Variants in NDUFV2 observed in about 807,000 individuals in gnomAD.
NDUFV2 encodes the protein NADH:ubiquinone oxidoreductase core subunit V2.
Under a neutral mutation model 31.6 loss-of-function variants are expected in NDUFV2, and 18 were observed. The ratio of observed to expected loss-of-function variants is 0.57; its 90% CI spans 0.39 to 0.84. The LOEUF (loss-of-function observed/expected upper bound fraction) is 0.84, where lower values mean the gene tolerates loss of function less well. Among genes scored for constraint, NDUFV2 ranks in the 40% least tolerant of loss-of-function variants. The pLI, the probability that NDUFV2 is intolerant of heterozygous loss-of-function variation, is 0.00. For synonymous variants in NDUFV2, 83 were observed against 99.8 expected, an observed-to-expected ratio of 0.83 and a Z score of 1.01; for missense variants, 314 against 303.6, an observed-to-expected ratio of 1.03 and a Z score of -0.26.
At chr18:9,133,683 C>G (rs1041184458) in intron 7 of NDUFV2, among the ~76,000 whole-genome samples, 2 of 152,202 alleles carry the variant, frequency 1.3e-5, no homozygotes, top group African/African-American at 2.4e-5. Context: ...TGTATTCCCT[C>G]TATTCACTGT....
At chr18:9,107,297 T>C (rs1462673352) in intron 1 of NDUFV2, among the ~76,000 whole-genome samples, 1 of 152,208 alleles carries the variant, frequency 6.6e-6, no homozygotes, top group Non-Finnish European at 1.5e-5. Flanking sequence ...TGGGCACTGT[T>C]TAGTACCTTA....
Position 9,122,556 on chromosome 18 carries a change from T to C in NDUFV2, c.344T>C (p.Val115Ala). 6.2e-7 allele frequency: 1 copy of C among 1,614,014 alleles called. No homozygotes were observed. The highest frequency in any genetic ancestry group is 1.1e-5 in the South Asian group (1 of 91,080). Reference sequence around the variant, plus strand: ...GTACCTCCAATGAGAGTATATGAAGTAGCAACTTTTTATACAATGTATAAT... The same window carrying C: ...GTACCTCCAATGAGAGTATATGAAGCAGCAACTTTTTATACAATGTATAAT... ...LQVPPMRVYE[V>A]ATFYTMYNRK... The change falls in exon 5 of 8, where the codon GTA (valine) becomes GCA (alanine). Residue 115 changes from valine to alanine, a missense_variant. Transcript: ENST00000318388.
At chr18:9,125,736 T>A (rs1261983670) in intron 6 of NDUFV2, among the ~76,000 whole-genome samples, 1 of 152,208 alleles carries the variant, frequency 6.6e-6, no homozygotes, top group Non-Finnish European at 1.5e-5. Context: ...TTGGAGGGAC[T>A]GTACTTAAGG....
chr18:9,121,016 T>C (rs1396159771), intron 4 of NDUFV2, among the ~76,000 whole-genome samples: 1 of 152,026 alleles, frequency 6.6e-6, no homozygotes, highest in Non-Finnish European at 1.5e-5. Context: ...ACTCAGGATG[T>C]TGATGTGGGA....
At chr18:9,107,961 A>T (rs2077850047) in intron 1 of NDUFV2, among the ~76,000 whole-genome samples, 1 of 152,186 alleles carries the variant, frequency 6.6e-6, no homozygotes, top group South Asian at 2.1e-4. Context: ...ATACAAAGAC[A>T]CTGAAGTGCA....
At chr18:9,133,597 T>C (rs1011446163) in intron 7 of NDUFV2, 1 of 153,048 alleles carries the variant, frequency 6.5e-6, no homozygotes, top group African/African-American at 2.4e-5. Flanking sequence ...ACTTCGCTGC[T>C]TCTAAGGGAC....
At chr18:9,115,200 C>T (rs953602196) in intron 1 of NDUFV2, among the ~76,000 whole-genome samples, 2 of 152,048 alleles carry the variant, frequency 1.3e-5, no homozygotes, top group South Asian at 2.1e-4. Flanking sequence ...AAATAAGAGT[C>T]CCTTATTTCA....
At chr18:9,106,733 A>T (rs1306846836) in intron 1 of NDUFV2, among the ~76,000 whole-genome samples, 1 of 152,204 alleles carries the variant, frequency 6.6e-6, no homozygotes, top group Non-Finnish European at 1.5e-5. Context: ...GTTAAAAGTG[A>T]CACAGGTCTC....
intron 5 of NDUFV2, among the ~76,000 whole-genome samples, chr18:9,123,033 C>T (rs910569599): frequency 6.6e-6 from 1 of 152,108 alleles, no homozygotes; most frequent in Admixed American, 6.5e-5. Flanking sequence ...CCATTATTGT[C>T]TTTATATTCT....
intron 6 of NDUFV2, among the ~76,000 whole-genome samples, chr18:9,125,617 C>T (rs771486908): frequency 2.6e-5 from 4 of 151,792 alleles, no homozygotes; most frequent in South Asian, 2.1e-4. Context: ...ATATATATGG[C>T]GTTTTCTAGT....
rs557695781 is a variant in NDUFV2, at chr18:9,117,847, G to C, written c.64G>C (p.Val22Leu). The C allele has an allele frequency of 1.3e-6, 2 of 1,594,988 alleles. No individual in the cohort carries two copies. Among genetic ancestry groups the C allele is most frequent in the African/African-American group, 2.7e-5 (2 of 74,658 alleles). ...AGLTAHWGRH[V>L]RNLHKTVMQN... ...AAATTTTAAATTTTAGGGAAGACAT[G>C]TAAGGAATTTGCATAAGACAGTTAT... The change falls in exon 2 of 8, where the codon GTA becomes CTA. Residue 22 changes from valine to leucine, a missense_variant. Transcript: ENST00000318388.
At chr18:9,119,198 A>C (rs1231283877) in intron 2 of NDUFV2, 128 bp from the exon 3 acceptor site, 1 of 736,350 alleles carries the variant, frequency 1.4e-6, no homozygotes, top group East Asian at 2.7e-5. Context: ...ATGGAAGGAT[A>C]GGGTGGTATA....
chr18:9,108,323 A>T (rs1162452064), intron 1 of NDUFV2, among the ~76,000 whole-genome samples: 1 of 152,218 alleles, frequency 6.6e-6, no homozygotes, highest in African/African-American at 2.4e-5. Context: ...GGATGTTTGT[A>T]AAAGTCCTCC....
At chr18:9,103,108 G>T (rs2077823333) in intron 1 of NDUFV2, 2 of 411,474 alleles carry the variant, frequency 4.9e-6, no homozygotes, top group African/African-American at 2.1e-5. Context: ...ATCTAGGCCT[G>T]CTCTGGCCAG....
chr18:9,122,569 T>C lies in NDUFV2; in HGVS notation c.357T>C (p.Tyr119=), dbSNP rs1409960525. The C allele has an allele frequency of 1.2e-6, 2 of 1,613,922 alleles. No individual in the cohort carries two copies. The highest frequency in any genetic ancestry group is 2.7e-5 in the African/African-American group (2 of 74,934). Residue 119 remains tyrosine, a synonymous_variant, in exon 5 of 8, where the codon TAT becomes TAC. Transcript: ENST00000318388. ...PMRVYEVATF[Y]TMYNRKPVGK... ...GAGTATATGAAGTAGCAACTTTTTA[T>C]ACAATGTATAATCGAAAGCCAGTTG...
chr18:9,124,518 G>A lies in NDUFV2; in HGVS notation c.470-356G>A, dbSNP rs192785762. On this transcript the variant is annotated intron_variant, in intron 5 of 7. Coordinates refer to ENST00000318388, the MANE Select transcript of NDUFV2 (RefSeq NM_021074.5). ...GGCTGGAGTGCAGTGGCGCAATCTC[G>A]GCTCACTGCAAGCTCCGCCTCCTGG... 7.1e-3 allele frequency among the ~76,000 whole-genome samples: 1,041 copies of A among 146,960 alleles called. 7 individuals carry two copies. Among genetic ancestry groups the A allele is most frequent in the Middle Eastern group, 0.045 (13 of 288 alleles).
chr18:9,129,597 G>T (rs2078022665), intron 7 of NDUFV2, among the ~76,000 whole-genome samples: 2 of 152,224 alleles, frequency 1.3e-5, no homozygotes, highest in South Asian at 4.2e-4. Context: ...AGGAGAGGCC[G>T]CTTAGAGGTG....
intron 1 of NDUFV2, chr18:9,104,237 T>G: frequency 4.3e-6 from 7 of 1,612,652 alleles, no homozygotes; most frequent in Non-Finnish European, 5.9e-6. Context: ...TAAGGTGTGT[T>G]CCCAAATGAA....
At chr18:9,119,689 C>T in intron 4 of NDUFV2, 99 bp downstream of exon 4, 1 of 1,077,428 alleles carries the variant, frequency 9.3e-7, no homozygotes, top group Non-Finnish European at 1.4e-6. Context: ...GTGTCAGAAT[C>T]TAGGATTTTG....
Sources: allele counts gnomAD v4.1 joint callset (sites outside exome capture counted in the v4.1 genomes callset), GRCh38; gene constraint gnomAD v4.1.1; transcripts MANE v1.5; gene names NCBI Gene and HGNC (gene_info 2026-07-23, HGNC 2026-07-21).